FHAD1: variants seen among roughly 807,000 people sequenced by gnomAD.
FHAD1 encodes the protein forkhead-associated domain-containing protein 1.
FHAD1 carries 146 observed loss-of-function variants against 191.3 expected under a neutral mutation model. That is an observed-to-expected ratio of 0.76 (90% CI 0.67 to 0.88). The LOEUF (loss-of-function observed/expected upper bound fraction) is 0.88, where lower values mean the gene tolerates loss of function less well. FHAD1 is among the 40% of genes least tolerant of loss of function. FHAD1 has a pLI of 0.00. For missense variants in FHAD1, 1,635 were observed against 1,785.8 expected (o/e 0.92, Z 1.52); for synonymous variants, 616 against 672.3 (o/e 0.92, Z 1.29).
At position 15,311,383 on chromosome 1, in the gene FHAD1, G is replaced by A. The variant is rs1346531287; in HGVS notation, c.1040-1674G>A. ...AGGGAACCATCTCGAAGCCCACGTAGGCCTGAGAGTAGCTCACTTTCCCAC... is the reference window on the plus strand; with the variant it reads ...AGGGAACCATCTCGAAGCCCACGTAAGCCTGAGAGTAGCTCACTTTCCCAC... On this transcript the variant is annotated intron_variant, in intron 7 of 33. Coordinates refer to ENST00000688493, the MANE Select transcript of FHAD1 (RefSeq NM_001391957.1). The surrounding 1 kb of genome is among the most constrained non-coding windows in gnomAD (Gnocchi z 4.1). Among the ~76,000 whole-genome samples, 15 of 152,164 alleles carry A rather than the reference G, an allele frequency of 9.9e-5. No individual in the cohort carries two copies. The highest frequency in any genetic ancestry group is 9.8e-4 in the Admixed American group (15 of 15,262).
chr1:15,390,338 CTG>C (rs1703618113), intron 32 of FHAD1, among the ~76,000 whole-genome samples: 1 of 109,440 alleles, frequency 9.1e-6, no homozygotes, highest in Non-Finnish European at 1.7e-5. Context: ...GAGTAAGACT[CTG>C]TCTCAAAAAA....
intron 1 of FHAD1, among the ~76,000 whole-genome samples, chr1:15,250,591 T>C (rs1222044726): frequency 6.6e-6 from 1 of 152,194 alleles, no homozygotes; most frequent in African/African-American, 2.4e-5. Flanking sequence ...TTAGAAGTAA[T>C]CTTTTTTCCC....
rs1008251546 is a variant in FHAD1 at position 15,285,343 on chromosome 1, C to G, written c.301-4056C>G. On this transcript the variant is annotated intron_variant, in intron 3 of 33. Coordinates refer to ENST00000688493, the MANE Select transcript of FHAD1 (RefSeq NM_001391957.1). ...GGTCAGGGGTTGAAGACCAGCCTGG[C>G]CAACATGGTGAAACTCTGTCTCTAC... Among the ~76,000 whole-genome samples the G allele has an allele frequency of 3.3e-5, 5 of 152,100 alleles. No individual in the cohort carries two copies. In the South Asian group the frequency reaches 1.0e-3, roughly 32 times the overall value.
intron 8 of FHAD1, chr1:15,314,330 C>T (rs1035428256): frequency 3.3e-5 from 5 of 152,146 alleles, no homozygotes; most frequent in Non-Finnish European, 7.3e-5. Context: ...ACCGCAGTGC[C>T]CCAACTGGAG....
intron 31 of FHAD1, among the ~76,000 whole-genome samples, chr1:15,386,931 C>T (rs1409701240): frequency 1.4e-4 from 21 of 150,710 alleles, no homozygotes; most frequent in Non-Finnish European, 2.9e-4. Context: ...GGCACAATCT[C>T]GGCTCACTGC....
At chr1:15,246,200 A>G (rs1274701174), upstream of FHAD1, among the ~76,000 whole-genome samples, 1 of 151,970 alleles carries the variant, frequency 6.6e-6, no homozygotes, top group Non-Finnish European at 1.5e-5. Flanking sequence ...TCTCATGAGA[A>G]CTCACTCGCT....
chr1:15,270,423 C>T (rs556011158), intron 2 of FHAD1, among the ~76,000 whole-genome samples: 58 of 152,264 alleles, frequency 3.8e-4, no homozygotes, highest in African/African-American at 1.3e-3. Context: ...TGGGTAAATT[C>T]ATTCTGTGTC....
intron 9 of FHAD1, among the ~76,000 whole-genome samples, chr1:15,317,105 T>G (rs959017574): frequency 6.6e-6 from 1 of 152,080 alleles, no homozygotes; most frequent in Admixed American, 6.6e-5. Flanking sequence ...GCAGGAGAAT[T>G]GCTCAAACCC....
At position 15,316,473 on chromosome 1, in the gene FHAD1, T is replaced by C; in HGVS notation, c.1260+6T>C. The C allele has an allele frequency of 6.4e-7, 1 of 1,551,348 alleles. No individual in the cohort carries two copies. The highest frequency in any genetic ancestry group is 8.7e-7 in the Non-Finnish European group (1 of 1,146,740). On this transcript the variant is annotated splice_donor_region_variant and intron_variant, in intron 9 of 33. Coordinates refer to ENST00000688493, the MANE Select transcript of FHAD1 (RefSeq NM_001391957.1). This position sits in a 1 kb window ranked among gnomAD's most constrained non-coding sequence, Gnocchi z 4.3. The stretch of plus-strand genomic sequence containing the variant: ...AGTTAAAACTCTGCAAAACCGTGAG[T>C]TGAGCTTCCTCCTTTGTAGGTACCA...
intron 26 of FHAD1, among the ~76,000 whole-genome samples, 189 bp downstream of exon 26, chr1:15,369,691 G>A (rs575557339): frequency 1.2e-4 from 18 of 152,358 alleles, no homozygotes; most frequent in African/African-American, 4.3e-4. Context: ...GCTGTCCACG[G>A]TGTGATGTGC....
In FHAD1 at chr1:15,289,712, C is replaced by T; in HGVS notation, c.568+46C>T. 1 of 1,514,288 alleles carries T rather than the reference C, an allele frequency of 6.6e-7. No individual in the cohort carries two copies. 93.8% of individuals were successfully genotyped at this position (1,514,288 alleles called of 1,614,324 possible). On this transcript the variant is annotated intron_variant, in intron 4 of 33. Transcript: ENST00000688493. The surrounding 1 kb of genome is among the most constrained non-coding windows in gnomAD (Gnocchi z 4.2). ...TGGTGGCTTGGGGGTGGTTCACGGC[C>T]ATGTGGATGGGTCTTGGTTTTGGTT...
downstream of FHAD1, among the ~76,000 whole-genome samples, chr1:15,399,023 T>C (rs1258605723): frequency 2.0e-5 from 3 of 152,148 alleles, no homozygotes; most frequent in African/African-American, 4.8e-5. Flanking sequence ...GGTTTCACCA[T>C]GTTGGCCAGA....
At chr1:15,290,139 G>A (rs1423063668) in intron 4 of FHAD1, among the ~76,000 whole-genome samples, 1 of 152,220 alleles carries the variant, frequency 6.6e-6, no homozygotes, top group East Asian at 1.9e-4. Context: ...AGTGTATTCA[G>A]TCCCGTCTAA....
chr1:15,358,025 C>T (rs1246829240), intron 20 of FHAD1, 85 bp from the exon 21 acceptor site: 9 of 929,410 alleles, frequency 9.7e-6, no homozygotes, highest in Middle Eastern at 2.9e-4. Flanking sequence ...AGACTTTACC[C>T]TGTCCTTGAA....
At chr1:15,393,457 G>A (rs11802154) in intron 33 of FHAD1, among the ~76,000 whole-genome samples, 3,038 of 134,118 alleles carry the variant, frequency 0.023, 50 homozygotes, top group African/African-American at 0.053. Context: ...CACACACACT[G>A]CTATCTGTAA....
chr1:15,399,092 G>T (rs1455644343), downstream of FHAD1, among the ~76,000 whole-genome samples: 3 of 152,110 alleles, frequency 2.0e-5, no homozygotes, highest in Non-Finnish European at 4.4e-5. Context: ...AAAGTGATGG[G>T]ATTACAGGCA....
At chr1:15,296,247 T>C (rs989026262) in intron 4 of FHAD1, among the ~76,000 whole-genome samples, 2 of 150,700 alleles carry the variant, frequency 1.3e-5, no homozygotes, top group Non-Finnish European at 3.0e-5. Flanking sequence ...CACACCACTT[T>C]GTAATTTTTT....
intron 23 of FHAD1, chr1:15,364,036 C>G: frequency 6.2e-6 from 2 of 321,354 alleles, no homozygotes; most frequent in South Asian, 5.3e-5. Context: ...CGGTGGTGCC[C>G]ATGACTTGGA....
rs1014274793 is a variant in FHAD1 at position 15,264,554 on chromosome 1, G to A, written c.94-7769G>A. 1.7e-3 allele frequency among the ~76,000 whole-genome samples: 248 copies of A among 146,090 alleles called. 1 individual carries two copies. Among genetic ancestry groups the A allele is most frequent in the African/African-American group, 5.4e-3 (214 of 39,560 alleles). Reference sequence around the variant, plus strand: ...TTCAGTGTTATATGTATATATGTGTGTGTGTGTGTGTGTGTGTGTGTGTGA... The same window carrying A: ...TTCAGTGTTATATGTATATATGTGTATGTGTGTGTGTGTGTGTGTGTGTGA... On this transcript the variant is annotated intron_variant, in intron 2 of 33. Transcript: ENST00000688493.
Sources: allele counts gnomAD v4.1 joint callset (sites outside exome capture counted in the v4.1 genomes callset), GRCh38; gene constraint gnomAD v4.1.1; non-coding constraint Gnocchi (gnomAD v3.1); transcripts MANE v1.5; gene names NCBI Gene and HGNC (gene_info 2026-07-23, HGNC 2026-07-21).